LPP: variants seen among roughly 807,000 people sequenced by gnomAD.
The protein encoded by LPP is LIM domain containing preferred translocation partner in lipoma, also known as lipoma-preferred partner.
Under a neutral mutation model 60.4 loss-of-function variants are expected in LPP, and 38 were observed. That is an observed-to-expected ratio of 0.63 (90% CI 0.49 to 0.83). The LOEUF (loss-of-function observed/expected upper bound fraction) is 0.83, where lower values mean the gene tolerates loss of function less well. LPP is among the 40% of genes least tolerant of loss of function. The probability of loss-of-function intolerance (pLI) is 0.00; values close to 1 mark genes in which losing one functional copy is unlikely to be tolerated. For missense variants in LPP, 902 were observed against 783.6 expected (o/e 1.15, Z -1.80); for synonymous variants, 328 against 290.8 (o/e 1.13, Z -1.30).
intron 5 of LPP, among the ~76,000 whole-genome samples, chr3:188,494,315 C>T (rs1351662787): frequency 6.6e-6 from 1 of 152,096 alleles, no homozygotes; most frequent in Admixed American, 6.5e-5. Context: ...GTGGCCAGCG[C>T]TTATGTATAT....
intron 6 of LPP, among the ~76,000 whole-genome samples, chr3:188,529,914 A>G (rs1229594181): frequency 6.6e-6 from 1 of 152,238 alleles, no homozygotes; most frequent in Non-Finnish European, 1.5e-5. Flanking sequence ...TGTCAAAATT[A>G]TTGGGAGATA....
intron 1 of LPP, among the ~76,000 whole-genome samples, chr3:188,192,120 C>T (rs1394966474): frequency 1.3e-5 from 2 of 152,222 alleles, no homozygotes; most frequent in Non-Finnish European, 2.9e-5. Flanking sequence ...GTCAGTTTCT[C>T]ATGTGGTTAT....
At chr3:188,694,816 T>C (rs1259158119) in intron 7 of LPP, among the ~76,000 whole-genome samples, 1 of 152,214 alleles carries the variant, frequency 6.6e-6, no homozygotes, top group African/African-American at 2.4e-5. Flanking sequence ...TCCATCTTTG[T>C]GCGCAGAGAG....
intron 6 of LPP, among the ~76,000 whole-genome samples, chr3:188,584,930 A>T (rs1353266443): frequency 6.6e-6 from 1 of 152,090 alleles, no homozygotes; most frequent in Admixed American, 6.6e-5. Flanking sequence ...ACACTTTTTA[A>T]AACTAGGATG....
chr3:188,199,102 C>T (rs1391650344), intron 1 of LPP, among the ~76,000 whole-genome samples: 1 of 152,126 alleles, frequency 6.6e-6, no homozygotes, highest in Non-Finnish European at 1.5e-5. Context: ...ACATCTGAGA[C>T]GTTAACCAGG....
intron 3 of LPP, among the ~76,000 whole-genome samples, chr3:188,375,152 A>T (rs1774604760): frequency 6.6e-6 from 1 of 152,176 alleles, no homozygotes. Flanking sequence ...CATCAAGGAT[A>T]TTGGTCTAAA....
intron 8 of LPP, among the ~76,000 whole-genome samples, chr3:188,727,693 T>C (rs1458731991): frequency 6.6e-6 from 1 of 152,166 alleles, no homozygotes; most frequent in Non-Finnish European, 1.5e-5. Flanking sequence ...ATTGACCATG[T>C]GCCAAGCAGC....
At chr3:188,516,171 A>G (rs1214871600) in intron 5 of LPP, among the ~76,000 whole-genome samples, 1 of 152,210 alleles carries the variant, frequency 6.6e-6, no homozygotes, top group Non-Finnish European at 1.5e-5. Flanking sequence ...GGAGATAGAT[A>G]GGTAAGGTTT....
intron 2 of LPP, among the ~76,000 whole-genome samples, chr3:188,296,856 G>A (rs1054678526): frequency 4.6e-5 from 7 of 152,174 alleles, no homozygotes; most frequent in Non-Finnish European, 8.8e-5. Context: ...GGAAGTGACT[G>A]GGTTACACAT....
At chr3:188,340,009 A>G (rs1762621275) in intron 2 of LPP, among the ~76,000 whole-genome samples, 1 of 152,180 alleles carries the variant, frequency 6.6e-6, no homozygotes, top group South Asian at 2.1e-4. Context: ...AGAACTTAGA[A>G]CTAAGTGTGT....
At chr3:188,518,200 A>T (rs1464466495) in intron 5 of LPP, among the ~76,000 whole-genome samples, 1 of 146,400 alleles carries the variant, frequency 6.8e-6, no homozygotes, top group Admixed American at 6.8e-5. Flanking sequence ...GTGTTTTGTT[A>T]CTTAAAAAGC....
chr3:188,334,160 C>T (rs1042139123), intron 2 of LPP, among the ~76,000 whole-genome samples: 5 of 152,130 alleles, frequency 3.3e-5, no homozygotes, highest in East Asian at 1.9e-4. Flanking sequence ...AACATGATGT[C>T]CTCCAGGCTT....
At chr3:188,862,749 AAAAG>A (rs1334848807) in intron 9 of LPP, among the ~76,000 whole-genome samples, 17 of 145,776 alleles carry the variant, frequency 1.2e-4, no homozygotes, top group African/African-American at 3.9e-4. Flanking sequence ...AAGAAAAAAG[AAAAG>A]AAAGAAAGAA....
At chr3:188,287,817 A>G (rs1744481260) in intron 2 of LPP, among the ~76,000 whole-genome samples, 1 of 152,204 alleles carries the variant, frequency 6.6e-6, no homozygotes. Context: ...GATTTCATAT[A>G]TATTCATCTC....
intron 1 of LPP, among the ~76,000 whole-genome samples, chr3:188,164,971 A>G (rs1719496103): frequency 6.6e-6 from 1 of 152,080 alleles, no homozygotes; most frequent in African/African-American, 2.4e-5. Context: ...GTAGAAGTAT[A>G]TGCAAAAAAT....
At chr3:188,702,768 C>T (rs1349176894) in intron 7 of LPP, among the ~76,000 whole-genome samples, 1 of 152,142 alleles carries the variant, frequency 6.6e-6, no homozygotes, top group African/African-American at 2.4e-5. Context: ...GTTTGCTTCA[C>T]AATGTCTTTG....
At chr3:188,534,687 T>G (rs1374143710) in intron 6 of LPP, among the ~76,000 whole-genome samples, 1 of 152,238 alleles carries the variant, frequency 6.6e-6, no homozygotes, top group African/African-American at 2.4e-5. Flanking sequence ...AAAAGCCGTG[T>G]CTCAGATAAT....
At chr3:188,361,534 CT>C (rs750107938) in intron 3 of LPP, among the ~76,000 whole-genome samples, 4,949 of 136,112 alleles carry the variant, frequency 0.036, 151 homozygotes, top group Non-Finnish European at 0.06. Flanking sequence ...CTCCTCTCCT[CT>C]CCTCTCCTCC....
At chr3:188,425,175 A>T (rs371980537) in intron 4 of LPP, among the ~76,000 whole-genome samples, 1 of 152,120 alleles carries the variant, frequency 6.6e-6, no homozygotes, top group African/African-American at 2.4e-5. Context: ...ATTTTGTTGA[A>T]GGACTTTTCT....
Sources: gnomAD v4.1 joint callset for allele counts (sites outside exome capture counted in the v4.1 genomes callset) on GRCh38, gnomAD v4.1.1 for gene constraint, MANE v1.5 for transcripts, NCBI Gene and HGNC (gene_info 2026-07-23, HGNC 2026-07-21) for gene names.